ULK4: variants seen among roughly 807,000 people sequenced by gnomAD.
ULK4 encodes unc-51 like kinase 4.
ULK4 carries 133 observed loss-of-function variants against 160.6 expected under a neutral mutation model. The ratio of observed to expected loss-of-function variants is 0.83; its 90% confidence interval spans 0.72 to 0.96. The LOEUF is 0.96. Ranked by LOEUF, ULK4 falls within the 40% of genes least tolerant of loss-of-function variation. The pLI is 0.00. For synonymous variants in ULK4, 534 were observed against 539.8 expected (o/e 0.99, Z 0.15); for missense variants, 1,580 against 1,499.5 (o/e 1.05, Z -0.89).
At chr3:41,462,954 G>A in intron 33 of ULK4, 133 bp downstream of exon 33, 2 of 1,092,052 alleles carry the variant, frequency 1.8e-6, no homozygotes, top group Non-Finnish European at 2.5e-6. Flanking sequence ...CTCTTCAGAA[G>A]ACACTCTCTA....
chr3:41,907,380 T>C (rs1698610741), intron 12 of ULK4, among the ~76,000 whole-genome samples: 1 of 152,054 alleles, frequency 6.6e-6, no homozygotes, highest in African/African-American at 2.4e-5. Context: ...CACTGCAGCC[T>C]CAAACTCCAG....
At chr3:41,888,155 G>C (rs965580868) in intron 16 of ULK4, among the ~76,000 whole-genome samples, 1 of 143,378 alleles carries the variant, frequency 7.0e-6, no homozygotes, top group Non-Finnish European at 1.5e-5. Context: ...AGAAACAAAA[G>C]AAAGAATAAA....
Position 41,404,375 on chromosome 3 carries a change from T to C in ULK4, c.3493-6111A>G, listed in dbSNP as rs140851315. Among the ~76,000 whole-genome samples the C allele has an allele frequency of 1.6e-4, 25 of 152,250 alleles. No individual in the cohort carries two copies. In the East Asian group the frequency reaches 4.8e-3, roughly 29 times the overall value. On this transcript the variant is annotated intron_variant, in intron 34 of 36. Transcript: ENST00000301831. The stretch of plus-strand genomic sequence containing the variant: ...TCTGGTAATTTTCCCTGCTCTGAAG[T>C]GTACTTTATCTGATATTAATATAAC...
chr3:41,440,845 G>T (rs1024534513), intron 34 of ULK4, among the ~76,000 whole-genome samples: 2 of 151,942 alleles, frequency 1.3e-5, no homozygotes, highest in Non-Finnish European at 2.9e-5. Flanking sequence ...TATTCAGGTT[G>T]TTTTTTTCTT....
chr3:41,321,211 A>G (rs909411564), intron 35 of ULK4, among the ~76,000 whole-genome samples: 1 of 152,156 alleles, frequency 6.6e-6, no homozygotes, highest in Admixed American at 6.5e-5. Context: ...AACAGCCTCA[A>G]AAAACCCTTT....
chr3:41,377,313 GC>G (rs1400113279), intron 35 of ULK4, among the ~76,000 whole-genome samples: 3 of 152,032 alleles, frequency 2.0e-5, no homozygotes, highest in Admixed American at 1.3e-4. Flanking sequence ...ATAGGCATGG[GC>G]AAGGACTTCA....
chr3:41,394,184 A>C (rs2082009950), intron 35 of ULK4, among the ~76,000 whole-genome samples: 1 of 152,152 alleles, frequency 6.6e-6, no homozygotes, highest in Admixed American at 6.6e-5. Context: ...CCCAGGAACA[A>C]GGGTAATGTA....
At chr3:41,949,040 T>C (rs893386645) in intron 2 of ULK4, among the ~76,000 whole-genome samples, 16 of 151,724 alleles carry the variant, frequency 1.1e-4, no homozygotes, top group African/African-American at 2.7e-4. Context: ...GGCGTGGTGG[T>C]TCAGGCCCGT....
intron 32 of ULK4, among the ~76,000 whole-genome samples, chr3:41,555,667 G>A (rs2087265209): frequency 6.6e-6 from 1 of 152,160 alleles, no homozygotes; most frequent in Admixed American, 6.5e-5. Flanking sequence ...TCCCATTACT[G>A]GGTAGACAAC....
intron 21 of ULK4, among the ~76,000 whole-genome samples, chr3:41,782,405 G>C (rs998962227): frequency 3.3e-5 from 5 of 152,022 alleles, no homozygotes; most frequent in Non-Finnish European, 7.4e-5. Flanking sequence ...CTCAAATTTA[G>C]AACAGAGACA....
rs77615850 is a variant in ULK4, at chr3:41,789,798, C to T, written c.2056G>A (p.Val686Ile). The T allele has an allele frequency of 4.3e-3, 6,963 of 1,613,304 alleles. 15 individuals carry two copies. The highest frequency in any genetic ancestry group is 5.0e-3 in the Non-Finnish European group (5,892 of 1,179,706). Reference sequence around the variant, plus strand: ...GAGTTCAGTCCCACCTTTTCAATAACATTCTGGAAGGCAGTAGGAGAATGG... The same window carrying T: ...GAGTTCAGTCCCACCTTTTCAATAATATTCTGGAAGGCAGTAGGAGAATGG... ...TRHSPTAFQNVIEKVGLNSVI... is the reference protein window; with the variant it reads ...TRHSPTAFQNIIEKVGLNSVI... The change falls in exon 21 of 37, where the codon GTT (valine) becomes ATT (isoleucine). Residue 686 changes from valine (V) to isoleucine (I), a missense_variant. Val to Ile is a conservative substitution (Grantham distance 29). Coordinates refer to ENST00000301831, the MANE Select transcript of ULK4 (RefSeq NM_017886.4).
chr3:41,642,063 G>A (rs978805478), intron 30 of ULK4, among the ~76,000 whole-genome samples: 11 of 151,486 alleles, frequency 7.3e-5, no homozygotes, highest in African/African-American at 2.0e-4. Flanking sequence ...CAGTAGAGAC[G>A]AGGTTTCTTC....
At chr3:41,955,607 A>T (rs1339804922) in intron 1 of ULK4, 1 of 156,344 alleles carries the variant, frequency 6.4e-6, no homozygotes, top group Non-Finnish European at 1.4e-5. Context: ...ACTCCCTACG[A>T]GCTGGCGCGC....
chr3:41,926,223 C>T (rs1336139071), intron 5 of ULK4, among the ~76,000 whole-genome samples: 2 of 152,168 alleles, frequency 1.3e-5, no homozygotes, highest in Non-Finnish European at 2.9e-5. Context: ...CTGGAGTGCA[C>T]CTCCAGCAAA....
intron 16 of ULK4, among the ~76,000 whole-genome samples, chr3:41,891,673 A>G (rs1363102195): frequency 6.6e-6 from 1 of 152,128 alleles, no homozygotes; most frequent in Non-Finnish European, 1.5e-5. Flanking sequence ...TTGGGAGGCC[A>G]GAGCAGGTGG....
intron 30 of ULK4, among the ~76,000 whole-genome samples, chr3:41,620,433 T>G (rs955774990): frequency 6.6e-6 from 1 of 152,224 alleles, no homozygotes; most frequent in Non-Finnish European, 1.5e-5. Flanking sequence ...CAAGTTGGCT[T>G]CATCCCTGGG....
intron 21 of ULK4, among the ~76,000 whole-genome samples, chr3:41,785,914 T>C (rs1315212398): frequency 6.6e-6 from 1 of 152,016 alleles, no homozygotes; most frequent in African/African-American, 2.4e-5. Context: ...TCTTCCCACA[T>C]CTCCCTAAGA....
chr3:41,392,575 T>C (rs1446761755), intron 35 of ULK4, among the ~76,000 whole-genome samples: 1 of 152,114 alleles, frequency 6.6e-6, no homozygotes, highest in Non-Finnish European at 1.5e-5. Flanking sequence ...GTCAAACATA[T>C]CTTGGGCTTG....
At chr3:41,838,198 A>G (rs2041814079) in intron 17 of ULK4, among the ~76,000 whole-genome samples, 1 of 152,234 alleles carries the variant, frequency 6.6e-6, no homozygotes, top group Non-Finnish European at 1.5e-5. Context: ...ATCAGAGAGG[A>G]AGCAAGAACA....
Sources: allele counts gnomAD v4.1 joint callset (sites outside exome capture counted in the v4.1 genomes callset), GRCh38; gene constraint gnomAD v4.1.1; transcripts MANE v1.5; gene names NCBI Gene and HGNC (gene_info 2026-07-23, HGNC 2026-07-21).